ADGRG4: variants seen among roughly 807,000 people sequenced by gnomAD.
ADGRG4 encodes G protein-coupled receptor 112.
Under a neutral mutation model 126.2 loss-of-function variants are expected in ADGRG4, and 122 were observed. The observed-to-expected ratio is 0.97, with a 90% confidence interval of 0.83 to 1.12. The LOEUF (loss-of-function observed/expected upper bound fraction) is 1.12, where lower values mean the gene tolerates loss of function less well. Among genes scored for constraint, ADGRG4 ranks in the 50% most tolerant of loss-of-function variants. ADGRG4 has a pLI of 0.00. For synonymous variants in ADGRG4, 943 were observed against 838.7 expected (o/e 1.12, Z -2.15); for missense variants, 2,481 against 2,251.8 (o/e 1.10, Z -2.06).
In ADGRG4 at chrX:136,351,549, A is replaced by T. The variant is rs762982725; in HGVS notation, c.6822+8A>T. 4 of 918,374 alleles carry T rather than the reference A, an allele frequency of 4.4e-6. No individual in the cohort carries two copies. The African/African-American group carries it at 7.9e-5, about 18-fold the overall frequency. 75.7% of individuals were successfully genotyped at this position (918,374 alleles called of 1,213,427 possible). A position where few individuals can be genotyped will look rare whatever the true frequency, so the allele number is the denominator to read the frequency against. On this transcript the variant is annotated splice_region_variant and intron_variant, in intron 7 of 25. Coordinates refer to ENST00000394143, the MANE Select transcript of ADGRG4 (RefSeq NM_153834.4). ...GAATTTACGGAAAATTCGGTAAAAT[A>T]ATCTTTTGCATATTTATGGCATATA...
At chrX:136,331,549 G>T (rs2074909923) in intron 5 of ADGRG4, among the ~76,000 whole-genome samples, 1 of 112,127 alleles carries the variant, frequency 8.9e-6, no homozygotes, top group Admixed American at 9.5e-5. Context: ...AATGTATAAG[G>T]GATCTAGTTT....
chrX:136,340,871 T>G (rs1483887696), intron 5 of ADGRG4, among the ~76,000 whole-genome samples: 1 of 111,995 alleles, frequency 8.9e-6, no homozygotes, highest in African/African-American at 3.2e-5. Flanking sequence ...GAATGAAGAC[T>G]TTAGTCTTTA....
At chrX:136,331,500 G>GC (rs1428840936) in intron 5 of ADGRG4, among the ~76,000 whole-genome samples, 1 of 112,361 alleles carries the variant, frequency 8.9e-6, no homozygotes, top group African/African-American at 3.2e-5. Flanking sequence ...CTGTTTTTCA[G>GC]TTTTACAAAG....
intron 7 of ADGRG4, among the ~76,000 whole-genome samples, chrX:136,351,762 C>A (rs186721725): frequency 5.5e-5 from 6 of 109,426 alleles, no homozygotes; most frequent in Non-Finnish European, 1.9e-5. Context: ...ATGTTGAAAG[C>A]TTTTATGGAA....
chrX:136,324,031 T>C (rs2074857332), intron 5 of ADGRG4, among the ~76,000 whole-genome samples: 1 of 112,049 alleles, frequency 8.9e-6, no homozygotes, highest in African/African-American at 3.2e-5. Flanking sequence ...GCTATGAATT[T>C]TTGGTAAGAA....
At chrX:136,415,037 G>C (rs192884321) in intron 25 of ADGRG4, among the ~76,000 whole-genome samples, 1 of 112,440 alleles carries the variant, frequency 8.9e-6, no homozygotes, top group East Asian at 2.8e-4. Flanking sequence ...AAGAACTTAA[G>C]AACTTCAGGA....
chrX:136,343,020 A>G (rs1436582708), intron 5 of ADGRG4, among the ~76,000 whole-genome samples: 2 of 108,438 alleles, frequency 1.8e-5, no homozygotes, highest in African/African-American at 6.7e-5. Context: ...GTGGCAGACT[A>G]GTTCAGTTGG....
At position 136,315,309 on chromosome X, in the gene ADGRG4, G is replaced by A. The variant is rs749807330; in HGVS notation, c.70+6462G>A. On this transcript the variant is annotated intron_variant, in intron 4 of 25. Transcript: ENST00000394143. The stretch of plus-strand genomic sequence containing the variant: ...GACAGTCATGGGGCTGCTAGACCAG[G>A]GCCTGGTCTACAAAGTTTTTCAGTG... 2.7e-5 allele frequency among the ~76,000 whole-genome samples: 3 copies of A among 109,979 alleles called. No homozygotes were observed. The East Asian group carries it at 8.6e-4, about 32-fold the overall frequency.
intron 16 of ADGRG4, among the ~76,000 whole-genome samples, chrX:136,390,039 A>ATTTG (rs757060684): frequency 4.5e-5 from 5 of 111,449 alleles, no homozygotes; most frequent in Admixed American, 9.5e-5. Flanking sequence ...AACCTTAGAA[A>ATTTG]TTTGTTTGTT....
chrX:136,408,688 T>C (rs1400457708), intron 23 of ADGRG4, among the ~76,000 whole-genome samples: 1 of 111,922 alleles, frequency 8.9e-6, no homozygotes, highest in African/African-American at 3.3e-5. Flanking sequence ...TAAGGGTACA[T>C]GTGTCTTTTT....
chrX:136,355,450 C>T (rs2075087739), intron 8 of ADGRG4, among the ~76,000 whole-genome samples: 1 of 111,299 alleles, frequency 9.0e-6, no homozygotes, highest in Admixed American at 9.6e-5. Flanking sequence ...GGGTATAAAA[C>T]ATTCTTTTTA....
rs375491609 is a variant in ADGRG4 at position 136,346,168 on chromosome X, G to T, written c.2462G>T (p.Gly821Val). The part of the protein sequence containing the change: ...TEINGAIVFG[G>V]TTTPVPKSAT... ...ATAAATGGTGCAATTGTATTTGGAG[G>T]TACAACGACCCCTGTACCAAAGTCA... Residue 821 changes from glycine to valine, a missense_variant, in exon 6 of 26, where the codon GGT becomes GTT. By Grantham distance (109) the Gly-to-Val change is moderately radical. Coordinates refer to ENST00000394143, the MANE Select transcript of ADGRG4 (RefSeq NM_153834.4). The T allele has an allele frequency of 4.1e-6, 5 of 1,206,707 alleles. No homozygotes were observed. The African/African-American group carries it at 5.3e-5, about 13-fold the overall frequency.
In ADGRG4 at chrX:136,301,001, G is replaced by A. The variant is rs1329312810; in HGVS notation, c.-254+1G>A. The A allele has an allele frequency of 8.9e-6, 1 of 112,294 alleles. No homozygotes were observed. The highest frequency in any genetic ancestry group is 1.9e-5 in the Non-Finnish European group (1 of 53,266). The allele number at this position is 112,294 out of a possible 1,213,427, so 9.3% of individuals were successfully genotyped here. A position where few individuals can be genotyped will look rare whatever the true frequency, so the allele number is the denominator to read the frequency against. Reference sequence around the variant, plus strand: ...CAGTCTATCACTGATGGACATTTGGGTTGGTTCCAAGTCTTTGCTATTGTG... The same window carrying A: ...CAGTCTATCACTGATGGACATTTGGATTGGTTCCAAGTCTTTGCTATTGTG... On this transcript the variant is annotated splice_donor_variant, in intron 1 of 25. Coordinates refer to ENST00000394143, the MANE Select transcript of ADGRG4 (RefSeq NM_153834.4). LOFTEE classifies it low-confidence loss of function (5UTR_SPLICE).
intron 4 of ADGRG4, among the ~76,000 whole-genome samples, chrX:136,311,325 G>T (rs2074769180): frequency 9.2e-6 from 1 of 108,993 alleles, no homozygotes; most frequent in Non-Finnish European, 1.9e-5. Context: ...GCTGTGTAAT[G>T]GATATGGGTA....
In ADGRG4 at chrX:136,414,231, C is replaced by T. The variant is rs1327547371; in HGVS notation, c.9109C>T (p.Leu3037=). 8.3e-7 allele frequency: 1 copy of T among 1,202,903 alleles called. No individual in the cohort carries two copies. The highest frequency in any genetic ancestry group is 2.2e-5 in the Admixed American group (1 of 45,973). ...EGLKKIFEHK[L]LTPSLKSTAT... is the part of the protein sequence containing the mutation. ...ACTAAAGAAAATCTTTGAGCACAAA[C>T]TGTTGACGCCATCTCTCAAGTCAAC... The change falls in exon 25 of 26, where the codon CTG becomes TTG. Residue 3037 remains leucine (L), a synonymous_variant. Coordinates refer to ENST00000394143, the MANE Select transcript of ADGRG4 (RefSeq NM_153834.4).
chrX:136,382,345 G>T (rs1221633981), intron 15 of ADGRG4, among the ~76,000 whole-genome samples: 1 of 111,876 alleles, frequency 8.9e-6, no homozygotes, highest in Non-Finnish European at 1.9e-5. Flanking sequence ...ATAAAATGAA[G>T]ATTTTTCTTA....
Position 136,393,606 on chromosome X carries a change from A to G in ADGRG4, c.8080+26A>G, listed in dbSNP as rs762306340. The G allele has an allele frequency of 2.6e-6, 3 of 1,148,324 alleles. No individual in the cohort carries two copies. The Admixed American group carries it at 6.6e-5, about 25-fold the overall frequency. The allele number at this position is 1,148,324 out of a possible 1,213,427, so 94.6% of individuals were successfully genotyped here. On this transcript the variant is annotated intron_variant, in intron 18 of 25. Transcript: ENST00000394143. Reference sequence around the variant, plus strand: ...GTAAGTATTTTTGTTAGCAACTTTGACTTTGCCCCAGACCATTTTCCCACT... The same window carrying G: ...GTAAGTATTTTTGTTAGCAACTTTGGCTTTGCCCCAGACCATTTTCCCACT...
At chrX:136,407,555 G>A (rs1363010114) in intron 23 of ADGRG4, among the ~76,000 whole-genome samples, 3 of 111,823 alleles carry the variant, frequency 2.7e-5, no homozygotes, top group Non-Finnish European at 5.6e-5. Context: ...TAGGACTCAA[G>A]AAACTATCTT....
intron 23 of ADGRG4, among the ~76,000 whole-genome samples, chrX:136,407,454 A>C (rs1490763335): frequency 8.9e-6 from 1 of 111,849 alleles, no homozygotes; most frequent in Non-Finnish European, 1.9e-5. Context: ...ATTGACATGC[A>C]GTTATTATAT....
Sources: allele counts gnomAD v4.1 joint callset (sites outside exome capture counted in the v4.1 genomes callset), GRCh38; gene constraint gnomAD v4.1.1; transcripts MANE v1.5; gene names NCBI Gene and HGNC (gene_info 2026-07-23, HGNC 2026-07-21).